Variants in SLCO4C1 observed in about 807,000 individuals in gnomAD.
The protein encoded by SLCO4C1 is solute carrier organic anion transporter family member 4C1.
SLCO4C1 carries 58 observed loss-of-function variants against 72.1 expected under a neutral mutation model. The ratio of observed to expected loss-of-function variants is 0.80; its 90% CI spans 0.65 to 1.00. SLCO4C1 has a LOEUF of 1.00. Ranked by LOEUF, SLCO4C1 falls within the 50% of genes least tolerant of loss-of-function variation. SLCO4C1 has a pLI of 0.00. For missense variants in SLCO4C1, 898 were observed against 857.9 expected (o/e 1.05, Z -0.58); for synonymous variants, 297 against 312.5 (o/e 0.95, Z 0.52).
At chr5:102,245,159 T>C (rs1035023770) in intron 10 of SLCO4C1, among the ~76,000 whole-genome samples, 3 of 152,126 alleles carry the variant, frequency 2.0e-5, no homozygotes, top group African/African-American at 4.8e-5. Context: ...AGTTAAGGTG[T>C]AGAGTTTTTA....
chr5:102,288,933 T>A (rs959034133), intron 2 of SLCO4C1, among the ~76,000 whole-genome samples: 1 of 152,192 alleles, frequency 6.6e-6, no homozygotes, highest in African/African-American at 2.4e-5. Context: ...TTCCCACTAG[T>A]ACATAAAATC....
intron 8 of SLCO4C1, among the ~76,000 whole-genome samples, chr5:102,250,819 C>G (rs1748724167): frequency 6.6e-6 from 1 of 151,914 alleles, no homozygotes; most frequent in East Asian, 1.9e-4. Context: ...TGAAACTCAT[C>G]TCTACTAAAA....
At chr5:102,291,263 T>A in intron 2 of SLCO4C1, 80 bp downstream of exon 2, 1 of 1,427,708 alleles carries the variant, frequency 7.0e-7, no homozygotes, top group Non-Finnish European at 9.6e-7. Flanking sequence ...ACTGTGTAAG[T>A]GAATTGCAAT....
At chr5:102,249,229 G>A (rs1488306203) in intron 9 of SLCO4C1, among the ~76,000 whole-genome samples, 2 of 151,674 alleles carry the variant, frequency 1.3e-5, no homozygotes, top group Admixed American at 6.6e-5. Flanking sequence ...TACAGTATTC[G>A]CAGGATGCAA....
rs1580257701 is a variant in SLCO4C1, at chr5:102,270,746, T to A, written c.680A>T (p.Asn227Ile). 1 of 1,612,802 alleles carries A rather than the reference T, an allele frequency of 6.2e-7. No homozygotes were observed. Among genetic ancestry groups the A allele is most frequent in the South Asian group, 1.1e-5 (1 of 90,966 alleles). The change falls in exon 3 of 13, where the codon AAC becomes ATC. Residue 227 changes from asparagine (N) to isoleucine (I), a missense_variant. Transcript: ENST00000310954. Reference protein sequence around the residue: ...SCTSSTSSLSNYLYVFILGQL... With the variant: ...SCTSSTSSLSIYLYVFILGQL... ...TCCCAAGATGAAGACATACAAGTAG[T>A]TAGAAAGTGAAGAAGTTGAAGATGT...
rs1749645047 is a variant in SLCO4C1, at chr5:102,295,999, G to A, written c.264C>T (p.Tyr88=). The A allele has an allele frequency of 6.2e-7, 1 of 1,614,202 alleles. No individual in the cohort carries two copies. Among genetic ancestry groups the A allele is most frequent in the East Asian group, 2.2e-5 (1 of 44,874 alleles). ...ATTGAGGATGGAAGTTCCTCCAGCC[G>A]TAAGACCCCTCCTCAAACTCGGACA... ...LSLSEFEEGS[Y]GWRNFHPQCL... The change falls in exon 1 of 13, where the codon TAC becomes TAT. Residue 88 remains tyrosine (Y), a synonymous_variant. Transcript: ENST00000310954.
chr5:102,291,150 A>T (rs1037838130), intron 2 of SLCO4C1, among the ~76,000 whole-genome samples, 193 bp downstream of exon 2: 16 of 152,224 alleles, frequency 1.1e-4, no homozygotes, highest in Non-Finnish European at 2.1e-4. Flanking sequence ...TTGGAGAACC[A>T]CTGAAACGAT....
intron 1 of SLCO4C1, 29 bp from the exon 2 acceptor site, chr5:102,291,635 A>T (rs751157446): frequency 6.4e-7 from 1 of 1,552,170 alleles, no homozygotes. Flanking sequence ...GATGTGCATC[A>T]TTAATATTTT....
intron 10 of SLCO4C1, among the ~76,000 whole-genome samples, chr5:102,243,507 G>C (rs1337197716): frequency 6.6e-6 from 1 of 152,204 alleles, no homozygotes; most frequent in East Asian, 1.9e-4. Flanking sequence ...CAGAGGGAGA[G>C]AGACTGCAAA....
chr5:102,238,241 A>T (rs777022252), intron 12 of SLCO4C1, among the ~76,000 whole-genome samples: 4 of 152,190 alleles, frequency 2.6e-5, no homozygotes, highest in Non-Finnish European at 5.9e-5. Context: ...TGTTCTATCT[A>T]TATCTTTGAC....
chr5:102,295,544 G>A (rs1749632983), intron 1 of SLCO4C1, among the ~76,000 whole-genome samples: 1 of 152,192 alleles, frequency 6.6e-6, no homozygotes, highest in African/African-American at 2.4e-5. Flanking sequence ...AGAGTGCCTA[G>A]GTAAATTTTT....
chr5:102,238,863 C>A (rs1460449908), intron 12 of SLCO4C1, among the ~76,000 whole-genome samples: 1 of 152,078 alleles, frequency 6.6e-6, no homozygotes, highest in African/African-American at 2.4e-5. Context: ...AGGATACTTC[C>A]CTGCCTGAGC....
chr5:102,266,273 C>T (rs1451940732), intron 3 of SLCO4C1, among the ~76,000 whole-genome samples: 2 of 152,034 alleles, frequency 1.3e-5, no homozygotes, highest in African/African-American at 4.8e-5. Flanking sequence ...TTCCTCTTCT[C>T]CAATTTTGAT....
In SLCO4C1 at chr5:102,257,292, C is replaced by G; in HGVS notation, c.1292G>C (p.Gly431Ala). The change falls in exon 8 of 13, where the codon GGA becomes GCA. Residue 431 changes from glycine to alanine, a missense_variant. Physicochemically the swap from Gly to Ala is moderately conservative, Grantham distance 60. Transcript: ENST00000310954. ...ACCTAAAATTTGACCGAGAGCAGCT[C>G]CAGGAATTAAAACAGCCCCTAATAA... is the stretch of plus-strand genomic sequence containing the variant. ...ATLGGAVLIP[G>A]AALGQILGGF... 2 of 1,597,150 alleles carry G rather than the reference C, an allele frequency of 1.3e-6. No individual in the cohort carries two copies. The highest frequency in any genetic ancestry group is 1.7e-6 in the Non-Finnish European group (2 of 1,173,608).
rs138379337 is a variant in SLCO4C1 at position 102,276,862 on chromosome 5, G to A, written c.620-6056C>T. On this transcript the variant is annotated intron_variant, in intron 2 of 12. Coordinates refer to ENST00000310954, the MANE Select transcript of SLCO4C1 (RefSeq NM_180991.5). ...TAAGGGAATAATGACTGTGTGCCTT[G>A]ATGGAAACTTAAATCCCTTGGGTAC... is the stretch of plus-strand genomic sequence containing the variant. Among the ~76,000 whole-genome samples the A allele has an allele frequency of 1.1e-4, 16 of 152,266 alleles. No homozygotes were observed. The East Asian group carries it at 2.7e-3, about 26-fold the overall frequency.
rs750725757 is a variant in SLCO4C1, at chr5:102,291,517, A to C, written c.445T>G (p.Ser149Ala). The change falls in exon 2 of 13, where the codon TCA becomes GCA. Residue 149 changes from serine to alanine, a missense_variant. Physicochemically the swap from Ser to Ala is moderately conservative, Grantham distance 99. Transcript: ENST00000310954. ...MKSSLTGLIS[S>A]SYDISFCLLS... ...AAACAGAATGAAATATCGTAGCTTG[A>C]TGAAATCAGGCCAGTCAGGGAACTC... 1 of 1,614,174 alleles carries C rather than the reference A, an allele frequency of 6.2e-7. No homozygotes were observed. The highest frequency in any genetic ancestry group is 1.1e-5 in the South Asian group (1 of 91,088).
At chr5:102,281,464 T>C (rs1015354248) in intron 2 of SLCO4C1, among the ~76,000 whole-genome samples, 1 of 151,932 alleles carries the variant, frequency 6.6e-6, no homozygotes, top group Non-Finnish European at 1.5e-5. Flanking sequence ...AAATTGAAAA[T>C]TTTCACTCTC....
At chr5:102,267,708 G>A (rs75503093) in intron 3 of SLCO4C1, among the ~76,000 whole-genome samples, 3,696 of 151,042 alleles carry the variant, frequency 0.024, 106 homozygotes, top group African/African-American at 0.072. Flanking sequence ...ATCATTAGGT[G>A]GTTTATTTGA....
intron 8 of SLCO4C1, among the ~76,000 whole-genome samples, chr5:102,254,198 C>A (rs1316499313): frequency 6.6e-6 from 1 of 152,152 alleles, no homozygotes; most frequent in Non-Finnish European, 1.5e-5. Context: ...GCTTCTTAGT[C>A]TGTTCTTTCC....
Sources: gnomAD v4.1 joint callset for allele counts (sites outside exome capture counted in the v4.1 genomes callset) on GRCh38, gnomAD v4.1.1 for gene constraint, MANE v1.5 for transcripts, NCBI Gene and HGNC (gene_info 2026-07-23, HGNC 2026-07-21) for gene names.